The following EIF4G3 variants were observed in gnomAD, a reference collection of about 807,000 sequenced individuals.
EIF4G3 encodes eukaryotic translation initiation factor 4 gamma 3.
EIF4G3 carries 34 observed loss-of-function variants against 186.4 expected under a neutral mutation model. The ratio of observed to expected loss-of-function variants is 0.18; its 90% CI spans 0.14 to 0.24. The LOEUF is 0.24. EIF4G3 is among the 10% of genes least tolerant of loss of function. EIF4G3 has a pLI of 1.00. For missense variants in EIF4G3, 1,536 were observed against 1,948.5 expected (o/e 0.79, Z 3.99); for synonymous variants, 673 against 679.5 (o/e 0.99, Z 0.15).
intron 2 of EIF4G3, among the ~76,000 whole-genome samples, chr1:21,095,936 A>T (rs1354388806): frequency 6.6e-6 from 1 of 152,234 alleles, no homozygotes. Context: ...TGAATGATAC[A>T]CTCACAAAAG....
chr1:20,966,345 A>G (rs1453828351), intron 12 of EIF4G3, among the ~76,000 whole-genome samples: 2 of 152,194 alleles, frequency 1.3e-5, no homozygotes, highest in African/African-American at 4.8e-5. Context: ...AACTGAAGTT[A>G]AATCTAATGA....
chr1:20,813,694 G>A (rs1258317590), intron 34 of EIF4G3, among the ~76,000 whole-genome samples: 1 of 151,466 alleles, frequency 6.6e-6, no homozygotes. Context: ...TGGTGAAACC[G>A]TGTCTCTACT....
intron 33 of EIF4G3, 94 bp from the exon 34 acceptor site, chr1:20,817,632 T>C (rs557061195): frequency 1.4e-6 from 1 of 730,314 alleles, no homozygotes; most frequent in East Asian, 3.4e-5. Context: ...TTACGTCTTC[T>C]ATTTTACATG....
chr1:20,951,761 C>A (rs1432772237), intron 12 of EIF4G3, among the ~76,000 whole-genome samples: 1 of 145,664 alleles, frequency 6.9e-6, no homozygotes. Context: ...AAGGGGGGGG[C>A]AGGGTAAGTG....
intron 29 of EIF4G3, among the ~76,000 whole-genome samples, chr1:20,846,493 T>C (rs1366536290): frequency 6.6e-6 from 1 of 152,226 alleles, no homozygotes; most frequent in Non-Finnish European, 1.5e-5. Context: ...TGATACTTCC[T>C]GTCTTCCCTG....
chr1:20,924,248 T>C (rs528586280), intron 14 of EIF4G3, among the ~76,000 whole-genome samples: 29 of 152,344 alleles, frequency 1.9e-4, no homozygotes, highest in Admixed American at 3.9e-4. Context: ...CAGCATCTAT[T>C]TATTCCAACT....
At chr1:20,912,882 T>C (rs2093414126) in intron 14 of EIF4G3, among the ~76,000 whole-genome samples, 1 of 152,170 alleles carries the variant, frequency 6.6e-6, no homozygotes, top group African/African-American at 2.4e-5. Flanking sequence ...CAGATCTTCA[T>C]GGGAATCTAG....
chr1:21,037,509 A>G (rs937296264), intron 4 of EIF4G3, among the ~76,000 whole-genome samples: 7 of 152,216 alleles, frequency 4.6e-5, no homozygotes, highest in South Asian at 2.1e-4. Flanking sequence ...AGAAGAGTCA[A>G]TTACATAGTA....
chr1:21,049,844 T>A (rs535515699), intron 4 of EIF4G3, among the ~76,000 whole-genome samples: 1 of 152,186 alleles, frequency 6.6e-6, no homozygotes, highest in South Asian at 2.1e-4. Flanking sequence ...TGAGCTATGA[T>A]CATGCCACTG....
chr1:20,943,364 G>A lies in EIF4G3; in HGVS notation c.824-1034C>T, dbSNP rs376172630. On this transcript the variant is annotated intron_variant, in intron 13 of 36. Transcript: ENST00000602326. Reference sequence around the variant, plus strand: ...TGTGTATATATAGAGAGAATGAGACGGAGAGAGAAGAGAAGCTGGTCATCA... The same window carrying A: ...TGTGTATATATAGAGAGAATGAGACAGAGAGAGAAGAGAAGCTGGTCATCA... Among the ~76,000 whole-genome samples the A allele has an allele frequency of 7.2e-5, 11 of 152,154 alleles. No homozygotes were observed. The South Asian group carries it at 1.5e-3, about 20-fold the overall frequency.
intron 3 of EIF4G3, among the ~76,000 whole-genome samples, chr1:21,058,719 C>CT (rs66576703): frequency 0.014 from 1,172 of 81,998 alleles, 152 homozygotes; most frequent in Non-Finnish European, 0.017. Flanking sequence ...CTCTCTCTCT[C>CT]TTTTTTTTTT....
chr1:21,080,637 G>A (rs1022773887), intron 3 of EIF4G3, among the ~76,000 whole-genome samples: 1 of 152,058 alleles, frequency 6.6e-6, no homozygotes, highest in Non-Finnish European at 1.5e-5. Flanking sequence ...AGCCTCCTGA[G>A]TAGCTGGGAT....
chr1:20,943,366 A>G (rs979282584), intron 13 of EIF4G3, among the ~76,000 whole-genome samples: 26 of 152,344 alleles, frequency 1.7e-4, no homozygotes, highest in Middle Eastern at 3.4e-3. Flanking sequence ...AATGAGACGG[A>G]GAGAGAAGAG....
intron 4 of EIF4G3, among the ~76,000 whole-genome samples, chr1:21,015,060 T>A: frequency 7.5e-6 from 1 of 132,574 alleles, no homozygotes; most frequent in African/African-American, 2.8e-5. Context: ...AACAAAGAGA[T>A]AGAAATAGTT....
chr1:20,926,153 G>A (rs16824850), intron 14 of EIF4G3, among the ~76,000 whole-genome samples: 3 of 152,066 alleles, frequency 2.0e-5, no homozygotes, highest in African/African-American at 7.2e-5. Flanking sequence ...AGGATATGTA[G>A]CTTAATTTGA....
chr1:20,964,207 T>C (rs560151169), intron 12 of EIF4G3, among the ~76,000 whole-genome samples: 12 of 152,224 alleles, frequency 7.9e-5, no homozygotes, highest in Non-Finnish European at 1.3e-4. Context: ...TCTCAGATTA[T>C]TTCGTACAAT....
At chr1:21,150,886 G>A (rs750498361) in intron 2 of EIF4G3, among the ~76,000 whole-genome samples, 2 of 152,210 alleles carry the variant, frequency 1.3e-5, no homozygotes, top group South Asian at 4.1e-4. Context: ...TGAGGCAGAA[G>A]AATCGCTTAA....
intron 29 of EIF4G3, among the ~76,000 whole-genome samples, chr1:20,845,786 TC>T (rs1327719797): frequency 3.3e-5 from 5 of 152,152 alleles, no homozygotes; most frequent in African/African-American, 1.2e-4. Context: ...CTATTTGGGC[TC>T]CTTTTTTTGG....
intron 14 of EIF4G3, among the ~76,000 whole-genome samples, chr1:20,923,877 A>G (rs1391404348): frequency 1.3e-5 from 2 of 151,688 alleles, no homozygotes; most frequent in African/African-American, 4.8e-5. Context: ...CAGTGGAAAA[A>G]GACTTTGCCT....
Sources: allele counts gnomAD v4.1 joint callset (sites outside exome capture counted in the v4.1 genomes callset), GRCh38; gene constraint gnomAD v4.1.1; transcripts MANE v1.5; gene names NCBI Gene and HGNC (gene_info 2026-07-23, HGNC 2026-07-21).